LAMP3: variants seen among roughly 807,000 people sequenced by gnomAD.
LAMP3 encodes lysosome associated membrane protein 3.
In LAMP3, 26 loss-of-function variants were observed where a neutral mutation model predicts 34.8. The ratio of observed to expected loss-of-function variants is 0.75; its 90% CI spans 0.55 to 1.04. LAMP3 has a LOEUF of 1.04. Among genes scored for constraint, LAMP3 ranks in the 50% least tolerant of loss-of-function variants. The pLI is 0.00. For synonymous variants in LAMP3, 180 were observed against 201.9 expected, an observed-to-expected ratio of 0.89 and a Z score of 0.92; for missense variants, 495 against 524.0, an observed-to-expected ratio of 0.94 and a Z score of 0.54.
At chr3:183,149,758 G>A (rs570669538) in intron 3 of LAMP3, among the ~76,000 whole-genome samples, 1 of 151,412 alleles carries the variant, frequency 6.6e-6, no homozygotes, top group Non-Finnish European at 1.5e-5. Context: ...AATGCTTGAG[G>A]TGATGAATAA....
At chr3:183,151,211 C>T (rs1176752417) in intron 3 of LAMP3, among the ~76,000 whole-genome samples, 1 of 152,114 alleles carries the variant, frequency 6.6e-6, no homozygotes, top group Non-Finnish European at 1.5e-5. Context: ...GATCATGCAG[C>T]TAATCCCAGC....
chr3:183,127,884 C>A (rs560748321), intron 5 of LAMP3, among the ~76,000 whole-genome samples: 1 of 152,216 alleles, frequency 6.6e-6, no homozygotes, highest in South Asian at 2.1e-4. Context: ...GTAATCCCAG[C>A]ACTTTGGGAG....
In LAMP3 at chr3:183,136,824, C is replaced by T. The variant is rs183551217; in HGVS notation, c.947-937G>A. 6.6e-5 allele frequency among the ~76,000 whole-genome samples: 10 copies of T among 152,068 alleles called. No homozygotes were observed. The East Asian group carries it at 1.6e-3, about 24-fold the overall frequency. ...TACACCCTGTTCAAGGAAGTGGAGG[C>T]TTCCAGGCAGATGAAGTTAAACATT... is the stretch of plus-strand genomic sequence containing the variant. On this transcript the variant is annotated intron_variant, in intron 4 of 5. Transcript: ENST00000265598.
At chr3:183,125,292 C>T (rs1332660548) in intron 5 of LAMP3, among the ~76,000 whole-genome samples, 2 of 152,154 alleles carry the variant, frequency 1.3e-5, no homozygotes, top group African/African-American at 4.8e-5. Context: ...TGTCCTGAAC[C>T]AAGGATCACC....
intron 4 of LAMP3, among the ~76,000 whole-genome samples, chr3:183,138,742 A>G (rs1409272325): frequency 6.6e-6 from 1 of 152,070 alleles, no homozygotes; most frequent in Admixed American, 6.6e-5. Context: ...ATCCTTTCAC[A>G]CTTTAGAATA....
intron 5 of LAMP3, among the ~76,000 whole-genome samples, chr3:183,124,477 ATT>A (rs1317438606): frequency 1.3e-5 from 2 of 152,328 alleles, no homozygotes; most frequent in East Asian, 3.9e-4. Flanking sequence ...CATAATCCTT[ATT>A]TCCTGAACTG....
intron 1 of LAMP3, among the ~76,000 whole-genome samples, chr3:183,155,293 C>T (rs1198575014): frequency 6.6e-6 from 1 of 152,224 alleles, no homozygotes; most frequent in Non-Finnish European, 1.5e-5. Flanking sequence ...TTCCCAATGA[C>T]AGGAGACTCA....
At chr3:183,157,433 T>A (rs1293551948) in intron 1 of LAMP3, among the ~76,000 whole-genome samples, 1 of 152,230 alleles carries the variant, frequency 6.6e-6, no homozygotes, top group Non-Finnish European at 1.5e-5. Flanking sequence ...TGAAGATTTA[T>A]TTTAGCAATT....
chr3:183,152,604 G>C (rs1482530659), intron 2 of LAMP3, 101 bp from the exon 3 acceptor site: 3 of 1,092,988 alleles, frequency 2.7e-6, no homozygotes, highest in Non-Finnish European at 3.9e-6. Flanking sequence ...ACTTAAGGCT[G>C]AGGATTCGCT....
rs372895836 is a variant in LAMP3, at chr3:183,162,590, C to G, written c.49+17G>C. The G allele has an allele frequency of 2.2e-5, 34 of 1,547,268 alleles. No individual in the cohort carries two copies. The African/African-American group carries it at 4.5e-4, about 21-fold the overall frequency. On this transcript the variant is annotated intron_variant, in intron 1 of 5. Coordinates refer to ENST00000265598, the MANE Select transcript of LAMP3 (RefSeq NM_014398.4). ...GACACGTCAGGGCCACCGCGGGAAG[C>G]GCTGAGGGCCACTCACCGGCCAGGG...
chr3:183,158,692 G>A (rs903727866), intron 1 of LAMP3, among the ~76,000 whole-genome samples: 1 of 152,062 alleles, frequency 6.6e-6, no homozygotes, highest in Non-Finnish European at 1.5e-5. Flanking sequence ...ATTGTTTCTA[G>A]GTATTTTCCT....
At chr3:183,141,174 G>C (rs2108602540) in intron 3 of LAMP3, among the ~76,000 whole-genome samples, 1 of 152,274 alleles carries the variant, frequency 6.6e-6, no homozygotes, top group African/African-American at 2.4e-5. Context: ...AGATTAATGG[G>C]TCTATGTCTT....
At chr3:183,132,527 C>T (rs544199629) in intron 5 of LAMP3, 477 of 985,332 alleles carry the variant, frequency 4.8e-4, no homozygotes, top group Non-Finnish European at 5.6e-4. Flanking sequence ...ACAAGCACCC[C>T]ACTCATGTCT....
chr3:183,130,301 T>G (rs1269114041), intron 5 of LAMP3, among the ~76,000 whole-genome samples: 1 of 151,752 alleles, frequency 6.6e-6, no homozygotes, highest in East Asian at 1.9e-4. Context: ...TGGGACTACA[T>G]GCGCCTGCCA....
At chr3:183,158,302 A>G (rs1720878628) in intron 1 of LAMP3, among the ~76,000 whole-genome samples, 1 of 152,148 alleles carries the variant, frequency 6.6e-6, no homozygotes, top group South Asian at 2.1e-4. Context: ...ATTGGGTCAC[A>G]GTTTTTAAAT....
intron 5 of LAMP3, among the ~76,000 whole-genome samples, chr3:183,133,586 C>T (rs111303113): frequency 4.5e-4 from 68 of 152,200 alleles, no homozygotes; most frequent in African/African-American, 1.5e-3. Context: ...ATAGTCCTGG[C>T]CTCAAGTGAT....
intron 1 of LAMP3, 90 bp downstream of exon 1, chr3:183,162,517 G>A (rs1721007389): frequency 4.5e-6 from 6 of 1,334,220 alleles, no homozygotes; most frequent in Non-Finnish European, 6.3e-6. Context: ...CCCGCAGCCC[G>A]TCCTGTGGCG....
chr3:183,144,473 G>A (rs1720380673), intron 3 of LAMP3, among the ~76,000 whole-genome samples: 1 of 152,062 alleles, frequency 6.6e-6, no homozygotes, highest in Non-Finnish European at 1.5e-5. Flanking sequence ...ATTTCACAGG[G>A]TGATGATATT....
chr3:183,160,144 C>G (rs916709196), intron 1 of LAMP3, among the ~76,000 whole-genome samples: 1 of 152,160 alleles, frequency 6.6e-6, no homozygotes, highest in African/African-American at 2.4e-5. Flanking sequence ...TTGTGTCTTA[C>G]GTGTAACTGA....
Sources: gnomAD v4.1 joint callset for allele counts (sites outside exome capture counted in the v4.1 genomes callset) on GRCh38, gnomAD v4.1.1 for gene constraint, MANE v1.5 for transcripts, NCBI Gene and HGNC (gene_info 2026-07-23, HGNC 2026-07-21) for gene names.